Variants in LYPD5 observed in about 807,000 individuals in gnomAD.
LYPD5 encodes the protein LY6/PLAUR domain containing 5, also known as ly6/PLAUR domain-containing protein 5.
LYPD5 carries 21 observed loss-of-function variants against 19.1 expected under a neutral mutation model. That is an observed-to-expected ratio of 1.10 (90% CI 0.78 to 1.58). The LOEUF (loss-of-function observed/expected upper bound fraction) is 1.58, where lower values mean the gene tolerates loss of function less well. LYPD5 is among the 40% of genes most tolerant of loss of function. The pLI is 0.00. For synonymous variants in LYPD5, 128 were observed against 142.7 expected (o/e 0.90, Z 0.74); for missense variants, 287 against 329.8 (o/e 0.87, Z 1.00).
At chr19:43,812,340 T>TCTAC (rs1970331955) in intron 1 of LYPD5, among the ~76,000 whole-genome samples, 1 of 129,608 alleles carries the variant, frequency 7.7e-6, no homozygotes, top group Admixed American at 7.8e-5. Flanking sequence ...ATTTTTTCTA[T>TCTAC]CTATCTATCT....
Position 43,797,583 on chromosome 19 carries a change from G to T in LYPD5, c.*8C>A, listed in dbSNP as rs1375428189. ...TGAGCCCTGTCCCCAGCATCCTGGA[G>T]GGGCGGTCTATGCTGAGAGCCCCAC... On this transcript the variant is annotated 3_prime_UTR_variant, in exon 5 of 5. Transcript: ENST00000377950. 1 of 1,580,872 alleles carries T rather than the reference G, an allele frequency of 6.3e-7. No individual in the cohort carries two copies. The highest frequency in any genetic ancestry group is 1.7e-5 in the Admixed American group (1 of 58,336).
chr19:43,806,660 C>CAACAAAACAAAACAA (rs149155466), upstream of LYPD5, among the ~76,000 whole-genome samples: 9 of 150,912 alleles, frequency 6.0e-5, no homozygotes, highest in African/African-American at 2.0e-4. Context: ...GACACCGTCT[C>CAACAAAACAAAACAA]AACAAAACAA....
At chr19:43,811,598 A>G (rs925897195) in intron 1 of LYPD5, among the ~76,000 whole-genome samples, 1 of 152,122 alleles carries the variant, frequency 6.6e-6, no homozygotes, top group Non-Finnish European at 1.5e-5. Context: ...AGGCAGGAGA[A>G]TGGCTTGGAC....
chr19:43,797,361 G>A lies in LYPD5; in HGVS notation c.*230C>T, dbSNP rs4525602. On this transcript the variant is annotated 3_prime_UTR_variant, in exon 5 of 5. Transcript: ENST00000377950. ...GCTGTGATCAGAATTGCTCTTCATC[G>A]GGGCACGACATGGCTGTTTTGCCCT... The A allele has an allele frequency of 0.96, 494,476 of 513,746 alleles. 238,063 individuals carry two copies. The highest frequency in any genetic ancestry group is 0.99 in the African/African-American group (51,744 of 52,230). 31.8% of individuals were successfully genotyped at this position (513,746 alleles called of 1,614,324 possible).
chr19:43,815,028 T>G (rs1031748058), intron 1 of LYPD5, among the ~76,000 whole-genome samples: 1 of 152,200 alleles, frequency 6.6e-6, no homozygotes, highest in Non-Finnish European at 1.5e-5. Context: ...AATTTTGCTT[T>G]TGTATCTTGC....
rs145383250 is a variant in LYPD5 at position 43,802,351 on chromosome 19, C to T, written c.30G>A (p.Leu10=). Residue 10 remains leucine, a synonymous_variant, in exon 1 of 5, where the codon CTG becomes CTA. Coordinates refer to ENST00000377950, the MANE Select transcript of LYPD5 (RefSeq NM_001031749.3). ...AGAGCGCAGCCCCAAAGAGGCAGAG[C>T]AGAATGACTCTGGGGACCCCCATTG... MAMGVPRVI[L]LCLFGAALCL... 2.5e-4 allele frequency: 389 copies of T among 1,551,668 alleles called. 1 individual carries two copies. In the African/African-American group the frequency reaches 5.0e-3, roughly 20 times the overall value.
chr19:43,797,778 G>A lies in LYPD5; in HGVS notation c.569C>T (p.Thr190Ile). The A allele has an allele frequency of 1.9e-6, 3 of 1,613,946 alleles. No homozygotes were observed. The highest frequency in any genetic ancestry group is 1.7e-6 in the Non-Finnish European group (2 of 1,179,914). Residue 190 changes from threonine to isoleucine, a missense_variant, in exon 5 of 5, where the codon ACC (threonine) becomes ATC (isoleucine). Physicochemically the swap from Thr to Ile is moderately conservative, Grantham distance 89. Transcript: ENST00000377950. ...YIRTCHRPSC[T>I]TEGTTSPWTA... ...CCAGGGGCTGGTGGTGCCCTCGGTG[G>A]TGCAGGAGGGCCGGTGGCAGGTTCT...
At chr19:43,799,043 TC>T in intron 2 of LYPD5, 55 bp from the exon 3 acceptor site, 1 of 1,496,226 alleles carries the variant, frequency 6.7e-7, no homozygotes, top group Non-Finnish European at 8.9e-7. Context: ...CTCCCTCCAG[TC>T]TCAGCGTTCT....
chr19:43,805,689 G>A (rs1970265200), upstream of LYPD5, among the ~76,000 whole-genome samples: 1 of 152,044 alleles, frequency 6.6e-6, no homozygotes, highest in South Asian at 2.1e-4. Context: ...TGTATTTTTA[G>A]TAGACACAGG....
Position 43,798,813 on chromosome 19 carries a change from T to G in LYPD5, c.369A>C (p.Gln123His). The change falls in exon 3 of 5, where the codon CAA (glutamine) becomes CAC (histidine). Residue 123 changes from glutamine (Q) to histidine (H), a missense_variant and splice_region_variant. Transcript: ENST00000377950. ...MTHDALPNLS[Q>H]APDPPTLSGA... Reference sequence around the variant, plus strand: ...GCCCAGCCCCGCTCTCCCGCGCACCTTGGCTCAGGTTGGGGAGGGCGTCAT... The same window carrying G: ...GCCCAGCCCCGCTCTCCCGCGCACCGTGGCTCAGGTTGGGGAGGGCGTCAT... 5 of 1,608,070 alleles carry G rather than the reference T, an allele frequency of 3.1e-6. No homozygotes were observed. Among genetic ancestry groups the G allele is most frequent in the Non-Finnish European group, 4.2e-6 (5 of 1,177,300 alleles).
intron 1 of LYPD5, among the ~76,000 whole-genome samples, chr19:43,809,027 A>C (rs1970295552): frequency 6.6e-6 from 1 of 152,082 alleles, no homozygotes; most frequent in Admixed American, 6.6e-5. Context: ...ACCGGATATT[A>C]GTTTGTTGTG....
At chr19:43,819,235 G>A (rs1970398324) in intron 1 of LYPD5, among the ~76,000 whole-genome samples, 1 of 147,202 alleles carries the variant, frequency 6.8e-6, no homozygotes, top group African/African-American at 2.5e-5. Context: ...CTAACTTCAA[G>A]TTGGACATAG....
At chr19:43,805,913 G>GT (rs34131816), upstream of LYPD5, among the ~76,000 whole-genome samples, 131,868 of 152,196 alleles carry the variant, frequency 0.87, 57,709 homozygotes, top group African/African-American at 0.95. Flanking sequence ...GTGTATTCAT[G>GT]TTTTGTACAA....
At chr19:43,817,074 A>G (rs1053215190) in intron 1 of LYPD5, among the ~76,000 whole-genome samples, 2 of 152,156 alleles carry the variant, frequency 1.3e-5, no homozygotes, top group African/African-American at 4.8e-5. Context: ...ACAATCAGTA[A>G]CCCCAAAACT....
intron 1 of LYPD5, among the ~76,000 whole-genome samples, chr19:43,801,717 T>C (rs187008): frequency 0.85 from 130,111 of 152,198 alleles, 56,316 homozygotes; most frequent in South Asian, 0.93. Context: ...CAGAGACTCA[T>C]AGGACATACT....
chr19:43,816,145 G>C (rs180814044), intron 1 of LYPD5, among the ~76,000 whole-genome samples: 1 of 152,114 alleles, frequency 6.6e-6, no homozygotes. Flanking sequence ...CTGTTTATCA[G>C]TTTAGGAAGT....
At chr19:43,802,795 C>T (rs62116996), upstream of LYPD5, among the ~76,000 whole-genome samples, 44,789 of 151,856 alleles carry the variant, frequency 0.29, 7,190 homozygotes, top group Non-Finnish European at 0.38. Flanking sequence ...ACACGTTCAT[C>T]GTCCCATCAT....
chr19:43,814,478 A>G (rs1970354289), intron 1 of LYPD5, among the ~76,000 whole-genome samples: 1 of 151,384 alleles, frequency 6.6e-6, no homozygotes, highest in African/African-American at 2.4e-5. Flanking sequence ...TGGGTAACAG[A>G]GAAAGACCTG....
At position 43,797,594 on chromosome 19, in the gene LYPD5, T is replaced by G. The variant is rs371736272; in HGVS notation, c.753A>C (p.Ala251=). The G allele has an allele frequency of 1.1e-5, 17 of 1,600,086 alleles. No individual in the cohort carries two copies. Among genetic ancestry groups the G allele is most frequent in the Admixed American group, 1.7e-5 (1 of 59,326 alleles). Residue 251 remains alanine, a synonymous_variant, in exon 5 of 5, where the codon GCA becomes GCC. Transcript: ENST00000377950. ...LPVLLLVGLS[A] ...CCCAGCATCCTGGAGGGGCGGTCTA[T>G]GCTGAGAGCCCCACCAGCAGGAGGA...
Sources: allele counts gnomAD v4.1 joint callset (sites outside exome capture counted in the v4.1 genomes callset), GRCh38; gene constraint gnomAD v4.1.1; transcripts MANE v1.5; gene names NCBI Gene and HGNC (gene_info 2026-07-23, HGNC 2026-07-21).